The following MEF2A variants were observed in gnomAD, a reference collection of about 807,000 sequenced individuals.
MEF2A encodes the protein myocyte-specific enhancer factor 2A.
In MEF2A, 28 loss-of-function variants were observed where a neutral mutation model predicts 55.8. That is an observed-to-expected ratio of 0.50 (90% CI 0.37 to 0.69). MEF2A has a LOEUF of 0.69. MEF2A is among the 30% of genes least tolerant of loss of function. The pLI is 0.00. For synonymous variants in MEF2A, 239 were observed against 227.1 expected, an observed-to-expected ratio of 1.05 and a Z score of -0.47; for missense variants, 528 against 626.2, an observed-to-expected ratio of 0.84 and a Z score of 1.67.
chr15:99,684,066 C>T (rs1027923990), intron 7 of MEF2A, among the ~76,000 whole-genome samples: 3 of 152,106 alleles, frequency 2.0e-5, no homozygotes, highest in Non-Finnish European at 2.9e-5. Context: ...TAGTAGTATT[C>T]CATGGTGTAC....
At chr15:99,668,674 T>A (rs942161018) in intron 4 of MEF2A, among the ~76,000 whole-genome samples, 1 of 152,194 alleles carries the variant, frequency 6.6e-6, no homozygotes, top group Admixed American at 6.5e-5. Context: ...GTTTTCCTCA[T>A]TGAGCAAGTG....
chr15:99,580,246 GC>G (rs1567153643), intron 1 of MEF2A, among the ~76,000 whole-genome samples: 2 of 152,016 alleles, frequency 1.3e-5, no homozygotes, highest in South Asian at 2.1e-4. Flanking sequence ...GACTTCCCCC[GC>G]CCCCCTCACA....
intron 1 of MEF2A, among the ~76,000 whole-genome samples, chr15:99,567,627 CTGTGTGTGTGTGTGTGTGTGTGTG>C (rs370539645): frequency 7.0e-6 from 1 of 143,776 alleles, no homozygotes; most frequent in Non-Finnish European, 1.5e-5. Flanking sequence ...TTTGTATGTA[CTGTGTGTGTGTGTGTGTGTGTGTG>C]TGTGTGTGTG....
intron 8 of MEF2A, among the ~76,000 whole-genome samples, chr15:99,694,815 C>G (rs1367428941): frequency 2.0e-5 from 3 of 152,136 alleles, no homozygotes; most frequent in African/African-American, 7.2e-5. Flanking sequence ...TCTTCTCTCT[C>G]ATTTATTCAA....
chr15:99,602,211 G>T (rs1199344963), intron 2 of MEF2A, among the ~76,000 whole-genome samples: 1 of 152,122 alleles, frequency 6.6e-6, no homozygotes. Flanking sequence ...CAGCGTGAGA[G>T]ATCAGTGCGT....
chr15:99,646,147 C>A (rs574445604), intron 4 of MEF2A, among the ~76,000 whole-genome samples: 6 of 152,162 alleles, frequency 3.9e-5, no homozygotes, highest in Middle Eastern at 3.4e-3. Context: ...ACTTTAAACA[C>A]TTAAGAAAAC....
At chr15:99,566,984 C>T (rs997912482) in intron 1 of MEF2A, among the ~76,000 whole-genome samples, 1 of 152,168 alleles carries the variant, frequency 6.6e-6, no homozygotes, top group African/African-American at 2.4e-5. Context: ...TGCCTTTGAG[C>T]TGTGAGGGTT....
intron 4 of MEF2A, among the ~76,000 whole-genome samples, chr15:99,665,731 C>CAAAAAAAAAAAAAAAAAAA (rs752473261): frequency 5.9e-4 from 12 of 20,254 alleles, no homozygotes; most frequent in East Asian, 1.1e-3. Context: ...CTTAAATTTA[C>CAAAAAAAAAAAAAAAAAAA]AAAAAAAAAA....
At chr15:99,612,262 A>G (rs1346956219) in intron 2 of MEF2A, among the ~76,000 whole-genome samples, 1 of 152,064 alleles carries the variant, frequency 6.6e-6, no homozygotes, top group African/African-American at 2.4e-5. Flanking sequence ...AAAAACTACA[A>G]AAAAATTAGC....
intron 1 of MEF2A, among the ~76,000 whole-genome samples, chr15:99,584,327 G>T (rs867530674): frequency 6.6e-5 from 10 of 152,092 alleles, no homozygotes; most frequent in Non-Finnish European, 1.0e-4. Context: ...GTTTTTTATT[G>T]TAAGAACAGA....
intron 8 of MEF2A, among the ~76,000 whole-genome samples, chr15:99,699,952 A>ATGTGTGTGTGTGTGTG (rs752346994): frequency 3.8e-5 from 5 of 130,682 alleles, no homozygotes; most frequent in African/African-American, 1.2e-4. Flanking sequence ...AAGAGTTTAT[A>ATGTGTGTGTGTGTGTG]TGTGTGTGTG....
intron 9 of MEF2A, among the ~76,000 whole-genome samples, chr15:99,705,141 C>T (rs1231845013): frequency 2.6e-5 from 4 of 152,170 alleles, no homozygotes; most frequent in African/African-American, 9.7e-5. Flanking sequence ...ATCCGAAGTG[C>T]AGAAGGACAG....
chr15:99,635,696 C>T (rs1053683374), intron 3 of MEF2A, among the ~76,000 whole-genome samples: 8 of 152,134 alleles, frequency 5.3e-5, no homozygotes, highest in South Asian at 2.1e-4. Flanking sequence ...TGTCTTCTTT[C>T]GCACAATATT....
intron 7 of MEF2A, among the ~76,000 whole-genome samples, chr15:99,688,742 G>A (rs1276402500): frequency 6.6e-6 from 1 of 152,128 alleles, no homozygotes; most frequent in African/African-American, 2.4e-5. Flanking sequence ...GGGCAACAGG[G>A]CAAGTCTCCG....
intron 2 of MEF2A, among the ~76,000 whole-genome samples, chr15:99,624,762 A>T (rs2041799832): frequency 6.6e-6 from 1 of 152,222 alleles, no homozygotes; most frequent in East Asian, 1.9e-4. Flanking sequence ...TTTGTGCAGT[A>T]TTGATATCTT....
chr15:99,633,424 T>G (rs1176197485), intron 3 of MEF2A, among the ~76,000 whole-genome samples: 1 of 152,112 alleles, frequency 6.6e-6, no homozygotes, highest in African/African-American at 2.4e-5. Context: ...ATCCCCACCA[T>G]TACCAATCCA....
intron 4 of MEF2A, among the ~76,000 whole-genome samples, chr15:99,652,525 A>G (rs2047028989): frequency 6.6e-6 from 1 of 152,208 alleles, no homozygotes; most frequent in African/African-American, 2.4e-5. Context: ...GGGGCAGCTT[A>G]TATGGAAATT....
chr15:99,602,034 C>T (rs1383046595), intron 2 of MEF2A, among the ~76,000 whole-genome samples: 2 of 152,014 alleles, frequency 1.3e-5, no homozygotes, highest in Non-Finnish European at 2.9e-5. Flanking sequence ...CTGCATGGGT[C>T]TACGGCAACC....
At chr15:99,678,787 G>C (rs190228127) in intron 7 of MEF2A, 1 of 620,652 alleles carries the variant, frequency 1.6e-6, no homozygotes, top group East Asian at 1.4e-4. Context: ...GTGAAAATTG[G>C]AAACTTTGTG....
Sources: allele counts gnomAD v4.1 joint callset (sites outside exome capture counted in the v4.1 genomes callset), GRCh38; gene constraint gnomAD v4.1.1; transcripts MANE v1.5; gene names NCBI Gene and HGNC (gene_info 2026-07-23, HGNC 2026-07-21).